Variants in CCDC85A observed in about 807,000 individuals in gnomAD.
CCDC85A encodes coiled-coil domain containing 85A, also known as coiled-coil domain-containing protein 85A.
A neutral mutation model predicts 50.2 loss-of-function variants in CCDC85A; 38 were observed. That is an observed-to-expected ratio of 0.76 (90% CI 0.58 to 0.99). The LOEUF is 0.99. Among genes scored for constraint, CCDC85A ranks in the 50% least tolerant of loss-of-function variants. The probability of loss-of-function intolerance (pLI) is 0.00; values close to 1 mark genes in which losing one functional copy is unlikely to be tolerated. For synonymous variants in CCDC85A, 366 were observed against 301.4 expected, an observed-to-expected ratio of 1.21 and a Z score of -2.22; for missense variants, 820 against 742.0, an observed-to-expected ratio of 1.11 and a Z score of -1.22.
In CCDC85A at chr2:56,184,897, CA is replaced by C; in HGVS notation, c.275del (p.Lys92ArgfsTer14). 6.6e-7 allele frequency: 1 copy of C among 1,512,416 alleles called. No individual in the cohort carries two copies. Among genetic ancestry groups the C allele is most frequent in the East Asian group, 2.6e-5 (1 of 37,910 alleles). 93.7% of individuals were successfully genotyped at this position (1,512,416 alleles called of 1,614,324 possible). Reference protein sequence around the residue: ...QLHLGEIRGLKDINQKLQEDN... With the variant: ...QLHLGEIRGLXDINQKLQEDN... Reference sequence around the variant, plus strand: ...TGCACCTCGGCGAGATCCGCGGCCTCAAGGTGAGCGCGGGCCAGGTGGGGAG... The same window carrying C: ...TGCACCTCGGCGAGATCCGCGGCCTCAGGTGAGCGCGGGCCAGGTGGGGAG... On this transcript the variant is annotated frameshift_variant and splice_region_variant, in exon 1 of 6. Coordinates refer to ENST00000407595, the MANE Select transcript of CCDC85A (RefSeq NM_001080433.2). LOFTEE classifies it high-confidence loss of function.
At chr2:56,283,454 C>G (rs1460030627) in intron 2 of CCDC85A, among the ~76,000 whole-genome samples, 2 of 152,102 alleles carry the variant, frequency 1.3e-5, no homozygotes, top group African/African-American at 4.8e-5. Flanking sequence ...TGAATAAATT[C>G]CACTTGGTTA....
intron 2 of CCDC85A, among the ~76,000 whole-genome samples, chr2:56,318,953 C>T (rs1330209146): frequency 6.6e-6 from 1 of 152,082 alleles, no homozygotes; most frequent in Non-Finnish European, 1.5e-5. Context: ...ACTCTGTGGG[C>T]TGCTATAGGT....
chr2:56,184,697 T>TCGTCCGCGGCCC lies in CCDC85A; in HGVS notation c.76_87dup (p.Ser26_Pro29dup). 3.3e-6 allele frequency: 5 copies of TCGTCCGCGGCCC among 1,523,612 alleles called. No homozygotes were observed. Among genetic ancestry groups the TCGTCCGCGGCCC allele is most frequent in the Non-Finnish European group, 4.4e-6 (5 of 1,139,956 alleles). The allele number at this position is 1,523,612 out of a possible 1,614,324, so 94.4% of individuals were successfully genotyped here. A position where few individuals can be genotyped will look rare whatever the true frequency, so the allele number is the denominator to read the frequency against. On this transcript the variant is annotated inframe_insertion, in exon 1 of 6. Transcript: ENST00000407595. ...AAGTTGTTCCCCAGCCCCGGCCGGC[T>TCGTCCGCGGCCC]CGTCCGCGGCCCCGCCCGCGCCGGT... is the stretch of plus-strand genomic sequence containing the variant.
intron 2 of CCDC85A, among the ~76,000 whole-genome samples, chr2:56,211,812 G>A (rs1677190827): frequency 6.6e-6 from 1 of 151,916 alleles, no homozygotes; most frequent in African/African-American, 2.4e-5. Flanking sequence ...TTTTTCACTT[G>A]GGACTTCCAG....
intron 4 of CCDC85A, 33 bp downstream of exon 4, chr2:56,372,511 C>T: frequency 6.4e-7 from 1 of 1,556,668 alleles, no homozygotes; most frequent in Non-Finnish European, 8.7e-7. Context: ...GATGCATTTG[C>T]TTGTGCATAA....
rs70955012 is a variant in CCDC85A, at chr2:56,216,737, C to CTT, written c.1240+23309_1240+23310dup. Among the ~76,000 whole-genome samples the CTT allele has an allele frequency of 2.9e-3, 405 of 140,998 alleles. 5 individuals are homozygous for CTT. The highest frequency in any genetic ancestry group is 9.9e-3 in the African/African-American group (383 of 38,576). The allele number at this position is 140,998 out of a possible 152,430, so 92.5% of individuals were successfully genotyped here. On this transcript the variant is annotated intron_variant, in intron 2 of 5. Coordinates refer to ENST00000407595, the MANE Select transcript of CCDC85A (RefSeq NM_001080433.2). ...TTGAACTTTGCCACATTATTTTTAT[C>CTT]TTTTTTTTTTTTTGAGACTTATTTC...
intron 1 of CCDC85A, among the ~76,000 whole-genome samples, chr2:56,191,443 G>A (rs981481236): frequency 2.0e-5 from 3 of 152,188 alleles, no homozygotes; most frequent in African/African-American, 7.2e-5. Context: ...GAAGTAGGCA[G>A]AATCAATGTA....
intron 3 of CCDC85A, among the ~76,000 whole-genome samples, chr2:56,354,511 A>C (rs1264254220): frequency 6.6e-6 from 1 of 152,246 alleles, no homozygotes; most frequent in Non-Finnish European, 1.5e-5. Context: ...ATAGCCACTA[A>C]GAAGTGGATG....
chr2:56,339,188 G>A (rs1184256217), intron 2 of CCDC85A, among the ~76,000 whole-genome samples: 1 of 152,144 alleles, frequency 6.6e-6, no homozygotes, highest in Non-Finnish European at 1.5e-5. Context: ...ATAAATATTT[G>A]TTGAATGAAT....
chr2:56,303,191 C>T (rs1274710525), intron 2 of CCDC85A, among the ~76,000 whole-genome samples: 5 of 152,130 alleles, frequency 3.3e-5, no homozygotes, highest in African/African-American at 4.8e-5. Flanking sequence ...GTACTTGATT[C>T]GGAGTGCGCT....
chr2:56,252,238 G>T (rs1240060776), intron 2 of CCDC85A, among the ~76,000 whole-genome samples: 2 of 152,044 alleles, frequency 1.3e-5, no homozygotes, highest in African/African-American at 2.4e-5. Flanking sequence ...AGTAGAGACA[G>T]GGTTTCCCTG....
At chr2:56,310,209 G>A (rs746448636) in intron 2 of CCDC85A, among the ~76,000 whole-genome samples, 8 of 152,126 alleles carry the variant, frequency 5.3e-5, no homozygotes, top group Admixed American at 1.3e-4. Flanking sequence ...TGTCATGACC[G>A]TGTTGACTGA....
intron 2 of CCDC85A, among the ~76,000 whole-genome samples, chr2:56,231,253 C>A (rs1200514730): frequency 6.6e-6 from 1 of 152,108 alleles, no homozygotes; most frequent in Non-Finnish European, 1.5e-5. Flanking sequence ...ATCATAGTGT[C>A]CCTAGCCTGA....
intron 2 of CCDC85A, among the ~76,000 whole-genome samples, chr2:56,271,604 T>C (rs1267601304): frequency 6.6e-6 from 1 of 152,178 alleles, no homozygotes; most frequent in Non-Finnish European, 1.5e-5. Context: ...TTTTGGCTTT[T>C]TTTCTTTCCT....
At chr2:56,327,830 G>GT (rs1673554099) in intron 2 of CCDC85A, among the ~76,000 whole-genome samples, 1 of 66,342 alleles carries the variant, frequency 1.5e-5, no homozygotes, top group African/African-American at 7.7e-5. Context: ...GTAGAGTAAG[G>GT]CAAAAAAAAA....
chr2:56,326,172 C>T (rs1323218046), intron 2 of CCDC85A, among the ~76,000 whole-genome samples: 1 of 152,036 alleles, frequency 6.6e-6, no homozygotes, highest in African/African-American at 2.4e-5. Context: ...CTGGGCACAC[C>T]TCAGGTTAAG....
Position 56,192,570 on chromosome 2 carries a change from C to T in CCDC85A, c.370C>T (p.Arg124Trp), listed in dbSNP as rs370983445. The T allele has an allele frequency of 4.6e-5, 75 of 1,613,880 alleles. No individual in the cohort carries two copies. In the African/African-American group the frequency reaches 6.8e-4, roughly 15 times the overall value. ...DDRQKGKRVSREWQRLGRYTA... is the reference protein window; with the variant it reads ...DDRQKGKRVSWEWQRLGRYTA... ...CCGGCAGAAAGGCAAGAGGGTGTCTCGGGAGTGGCAGAGACTGGGTCGCTA... is the reference window on the plus strand; with the variant it reads ...CCGGCAGAAAGGCAAGAGGGTGTCTTGGGAGTGGCAGAGACTGGGTCGCTA... Residue 124 changes from arginine (R) to tryptophan (W), a missense_variant, in exon 2 of 6, where the codon CGG becomes TGG. By Grantham distance (101) the Arg-to-Trp change is moderately radical. Coordinates refer to ENST00000407595, the MANE Select transcript of CCDC85A (RefSeq NM_001080433.2). The surrounding 1 kb of genome is among the most constrained non-coding windows in gnomAD (Gnocchi z 4.7).
intron 1 of CCDC85A, among the ~76,000 whole-genome samples, chr2:56,189,384 C>G (rs1676200040): frequency 6.7e-6 from 1 of 148,804 alleles, no homozygotes; most frequent in African/African-American, 2.5e-5. Context: ...CTCCTCCTCC[C>G]TGGTTCAAGC....
chr2:56,284,315 T>A (rs1401939279), intron 2 of CCDC85A, among the ~76,000 whole-genome samples: 2 of 152,214 alleles, frequency 1.3e-5, no homozygotes, highest in African/African-American at 4.8e-5. Context: ...GAATTCTACA[T>A]TTCTGAATAT....
Sources: allele counts gnomAD v4.1 joint callset (sites outside exome capture counted in the v4.1 genomes callset), GRCh38; gene constraint gnomAD v4.1.1; non-coding constraint Gnocchi (gnomAD v3.1); transcripts MANE v1.5; gene names NCBI Gene and HGNC (gene_info 2026-07-23, HGNC 2026-07-21).